IGF2BP1: variants seen among roughly 807,000 people sequenced by gnomAD.
IGF2BP1 encodes the protein insulin like growth factor 2 mRNA binding protein 1, also known as insulin-like growth factor 2 mRNA-binding protein 1.
IGF2BP1 carries 11 observed loss-of-function variants against 74.9 expected under a neutral mutation model. That is an observed-to-expected ratio of 0.15 (90% CI 0.09 to 0.24). The LOEUF is 0.24. Ranked by LOEUF, IGF2BP1 falls within the 10% of genes least tolerant of loss-of-function variation. The pLI, the probability that IGF2BP1 is intolerant of heterozygous loss-of-function variation, is 1.00. For synonymous variants in IGF2BP1, 287 were observed against 281.8 expected (o/e 1.02, Z -0.18); for missense variants, 440 against 757.4 (o/e 0.58, Z 4.92).
chr17:49,016,046 A>C (rs1289452916), intron 2 of IGF2BP1, among the ~76,000 whole-genome samples: 1 of 152,230 alleles, frequency 6.6e-6, no homozygotes, highest in Non-Finnish European at 1.5e-5. Flanking sequence ...TCCCGTGCCC[A>C]AATTAGAGCC....
At position 49,041,414 on chromosome 17, in the gene IGF2BP1, T is replaced by C. The variant is rs377351170; in HGVS notation, c.855T>C (p.Asn285=). ...DEVPLKILAH[N]NFVGRLIGKE... ...TTCCCCTGAAGATCCTGGCCCATAATAACTTTGTAGGGCGTCTCATTGGCA... is the reference window on the plus strand; with the variant it reads ...TTCCCCTGAAGATCCTGGCCCATAACAACTTTGTAGGGCGTCTCATTGGCA... The change falls in exon 8 of 15, where the codon AAT becomes AAC. Residue 285 remains asparagine (N), a synonymous_variant. Coordinates refer to ENST00000290341, the MANE Select transcript of IGF2BP1 (RefSeq NM_006546.4). The C allele has an allele frequency of 7.4e-6, 12 of 1,613,960 alleles. No individual in the cohort carries two copies. Among genetic ancestry groups the C allele is most frequent in the Admixed American group, 1.7e-5 (1 of 59,984 alleles).
intron 2 of IGF2BP1, chr17:49,012,452 C>T (rs1191727919): frequency 1.3e-5 from 2 of 152,202 alleles, no homozygotes; most frequent in Non-Finnish European, 2.9e-5. Flanking sequence ...CCTGAATCCT[C>T]CCCATCTCCA....
intron 12 of IGF2BP1, 50 bp from the exon 13 acceptor site, chr17:49,045,840 T>G (rs760941894): frequency 6.3e-6 from 10 of 1,578,628 alleles, no homozygotes; most frequent in Admixed American, 1.8e-5. Context: ...ACTTTTCTCT[T>G]TTGTCACAGA....
chr17:49,037,124 G>A (rs947163801), intron 5 of IGF2BP1: 1 of 396,236 alleles, frequency 2.5e-6, no homozygotes, highest in Non-Finnish European at 4.9e-6. Context: ...GGAAGACGCT[G>A]CAAGTTTTGA....
In IGF2BP1 at chr17:49,049,734, G is replaced by C. The variant is rs2144163828; in HGVS notation, c.*290G>C. The C allele has an allele frequency of 3.2e-6, 1 of 316,792 alleles. No individual in the cohort carries two copies. The highest frequency in any genetic ancestry group is 4.6e-5 in the Admixed American group (1 of 21,804). The allele number at this position is 316,792 out of a possible 1,614,324, so 19.6% of individuals were successfully genotyped here. Reference sequence around the variant, plus strand: ...AAAGAAGCTCTCCAGGCCCCACCAAGAGGGTGGATCACACCTCAGTGGGAA... The same window carrying C: ...AAAGAAGCTCTCCAGGCCCCACCAACAGGGTGGATCACACCTCAGTGGGAA... On this transcript the variant is annotated 3_prime_UTR_variant, in exon 15 of 15. Coordinates refer to ENST00000290341, the MANE Select transcript of IGF2BP1 (RefSeq NM_006546.4).
rs571525865 is a variant in IGF2BP1, at chr17:49,055,615, T to A, written c.*6171T>A. ...TCAAAATGAATTTCAGCAGATTATG[T>A]GTTACCATAATGAATAAACGTCCTC... is the stretch of plus-strand genomic sequence containing the variant. On this transcript the variant is annotated 3_prime_UTR_variant, in exon 15 of 15. Coordinates refer to ENST00000290341, the MANE Select transcript of IGF2BP1 (RefSeq NM_006546.4). 1 of 398,638 alleles carries A rather than the reference T, an allele frequency of 2.5e-6. No individual in the cohort carries two copies. Among genetic ancestry groups the A allele is most frequent in the South Asian group, 1.3e-4 (1 of 7,854 alleles). The allele number at this position is 398,638 out of a possible 1,614,324, so 24.7% of individuals were successfully genotyped here.
At chr17:48,996,698 C>A (rs977369437), upstream of IGF2BP1, among the ~76,000 whole-genome samples, 1 of 152,172 alleles carries the variant, frequency 6.6e-6, no homozygotes, top group African/African-American at 2.4e-5. Context: ...ACCCCGGGTG[C>A]GAACCACCCT....
intron 2 of IGF2BP1, among the ~76,000 whole-genome samples, chr17:49,000,112 GTCTT>G (rs1178069277): frequency 6.6e-6 from 1 of 152,104 alleles, no homozygotes; most frequent in Non-Finnish European, 1.5e-5. Flanking sequence ...TAAGGGCAGA[GTCTT>G]TCTACTTTCT....
intron 3 of IGF2BP1, 32 bp from the exon 4 acceptor site, chr17:49,026,434 G>C: frequency 3.1e-6 from 5 of 1,608,584 alleles, no homozygotes; most frequent in Non-Finnish European, 4.3e-6. Context: ...GGGACTCAGA[G>C]TTAAGTGTAC....
intron 9 of IGF2BP1, among the ~76,000 whole-genome samples, chr17:49,042,822 G>A (rs963736205): frequency 6.6e-6 from 1 of 151,992 alleles, no homozygotes; most frequent in African/African-American, 2.4e-5. Context: ...GAGACTACAG[G>A]TGTACACCAC....
In IGF2BP1 at chr17:49,053,652, C is replaced by T. The variant is rs547259212; in HGVS notation, c.*4208C>T. ...GGCCTCAGTTAGCTCTCAAGGGTGC[C>T]TTCCCCTCCTCCCAACCCAGACATA... On this transcript the variant is annotated 3_prime_UTR_variant, in exon 15 of 15. Coordinates refer to ENST00000290341, the MANE Select transcript of IGF2BP1 (RefSeq NM_006546.4). 1 of 152,858 alleles carries T rather than the reference C, an allele frequency of 6.5e-6. No individual in the cohort carries two copies. The highest frequency in any genetic ancestry group is 6.5e-5 in the Admixed American group (1 of 15,304). The allele number at this position is 152,858 out of a possible 1,614,324, so 9.5% of individuals were successfully genotyped here.
Position 49,048,775 on chromosome 17 carries a change from G to T in IGF2BP1, c.1642-577G>T, listed in dbSNP as rs35988957. 3.5e-3 allele frequency among the ~76,000 whole-genome samples: 526 copies of T among 152,168 alleles called. 1 individual carries two copies. Among genetic ancestry groups the T allele is most frequent in the African/African-American group, 0.012 (492 of 41,516 alleles). Reference sequence around the variant, plus strand: ...GGCGGCATTAGATTCTCATGGGAGGGCTAACCCTGTTGTGAAGTGCTCGAG... The same window carrying T: ...GGCGGCATTAGATTCTCATGGGAGGTCTAACCCTGTTGTGAAGTGCTCGAG... On this transcript the variant is annotated intron_variant, in intron 14 of 14. Coordinates refer to ENST00000290341, the MANE Select transcript of IGF2BP1 (RefSeq NM_006546.4).
At chr17:49,037,274 C>T (rs1236226429) in intron 5 of IGF2BP1, 3 of 446,082 alleles carry the variant, frequency 6.7e-6, no homozygotes, top group African/African-American at 2.1e-5. Flanking sequence ...TAGGAAAATG[C>T]TGGAAAGAAA....
upstream of IGF2BP1, among the ~76,000 whole-genome samples, chr17:48,997,083 T>A (rs142931238): frequency 2.9e-3 from 438 of 151,084 alleles, 4 homozygotes; most frequent in African/African-American, 9.8e-3. The surrounding 1 kb of genome is among the most constrained non-coding windows in gnomAD (Gnocchi z 4.8). Context: ...CTTTAAGACA[T>A]GTGAGATCTG....
At chr17:49,043,657 G>T in intron 10 of IGF2BP1, 107 bp downstream of exon 10, 3 of 1,388,562 alleles carry the variant, frequency 2.2e-6, no homozygotes, top group South Asian at 2.7e-5. Flanking sequence ...TTTGCAGGGA[G>T]AGGGAAGGAA....
chr17:49,004,054 C>T lies in IGF2BP1; in HGVS notation c.236+4885C>T, dbSNP rs188977591. 2.4e-3 allele frequency among the ~76,000 whole-genome samples: 358 copies of T among 152,244 alleles called. 1 individual carries two copies. Among genetic ancestry groups the T allele is most frequent in the African/African-American group, 8.4e-3 (347 of 41,556 alleles). Reference sequence around the variant, plus strand: ...GCTCGCCCCGGCCCGGCGGCCCTAACCTTCCCCGCCCGCCCCCGCGCCAGT... The same window carrying T: ...GCTCGCCCCGGCCCGGCGGCCCTAATCTTCCCCGCCCGCCCCCGCGCCAGT... On this transcript the variant is annotated intron_variant, in intron 2 of 14. Coordinates refer to ENST00000290341, the MANE Select transcript of IGF2BP1 (RefSeq NM_006546.4).
chr17:49,027,072 T>C (rs1020815125), intron 4 of IGF2BP1, among the ~76,000 whole-genome samples: 1 of 152,208 alleles, frequency 6.6e-6, no homozygotes, highest in African/African-American at 2.4e-5. Flanking sequence ...AAATCTACAT[T>C]GAAAACCAAA....
Position 49,050,135 on chromosome 17 carries a change from C to T in IGF2BP1, c.*691C>T, listed in dbSNP as rs1455733154. The T allele has an allele frequency of 1.3e-5, 2 of 152,576 alleles. No homozygotes were observed. The highest frequency in any genetic ancestry group is 2.4e-5 in the African/African-American group (1 of 41,418). 9.5% of individuals were successfully genotyped at this position (152,576 alleles called of 1,614,324 possible). Reference sequence around the variant, plus strand: ...ATAATCCACGTTTAAAAGGAGCGCACTTGTGGCTGATCTATGCCAGATCAC... The same window carrying T: ...ATAATCCACGTTTAAAAGGAGCGCATTTGTGGCTGATCTATGCCAGATCAC... On this transcript the variant is annotated 3_prime_UTR_variant, in exon 15 of 15. Coordinates refer to ENST00000290341, the MANE Select transcript of IGF2BP1 (RefSeq NM_006546.4).
At chr17:49,026,933 G>T (rs1020382012) in intron 4 of IGF2BP1, among the ~76,000 whole-genome samples, 1 of 152,100 alleles carries the variant, frequency 6.6e-6, no homozygotes, top group Admixed American at 6.6e-5. Context: ...TAGTAGAGAC[G>T]CGTTTCACCA....
Sources: allele counts gnomAD v4.1 joint callset (sites outside exome capture counted in the v4.1 genomes callset), GRCh38; gene constraint gnomAD v4.1.1; non-coding constraint Gnocchi (gnomAD v3.1); transcripts MANE v1.5; gene names NCBI Gene and HGNC (gene_info 2026-07-23, HGNC 2026-07-21).